IVD: variants seen among roughly 807,000 people sequenced by gnomAD.
The protein encoded by IVD is isovaleryl-CoA dehydrogenase, mitochondrial.
A neutral mutation model predicts 51.3 loss-of-function variants in IVD; 31 were observed. That is an observed-to-expected ratio of 0.60 (90% CI 0.45 to 0.81). IVD has a LOEUF of 0.81. IVD is among the 40% of genes least tolerant of loss of function. The pLI, the probability that IVD is intolerant of heterozygous loss-of-function variation, is 0.00. For missense variants in IVD, 475 were observed against 552.0 expected (o/e 0.86, Z 1.40); for synonymous variants, 205 against 219.4 (o/e 0.93, Z 0.58).
downstream of IVD, among the ~76,000 whole-genome samples, chr15:40,421,676 C>T (rs1001604516): frequency 1.3e-5 from 2 of 152,220 alleles, no homozygotes; most frequent in Non-Finnish European, 2.9e-5. Context: ...CAACCACCAT[C>T]TGAGTCCTAA....
At chr15:40,422,964 C>T (rs1892446071), downstream of IVD, among the ~76,000 whole-genome samples, 1 of 151,648 alleles carries the variant, frequency 6.6e-6, no homozygotes, top group Admixed American at 6.6e-5. Flanking sequence ...CTCTGTCACC[C>T]AGTGCAGTGG....
intron 11 of IVD, 47 bp from the exon 12 acceptor site, chr15:40,418,082 TG>T: frequency 1.2e-6 from 2 of 1,611,872 alleles, no homozygotes; most frequent in Non-Finnish European, 1.7e-6. Context: ...TTGCTTTCTT[TG>T]TTTTGTCAAT....
Position 40,420,493 on chromosome 15 carries a change from A to G in IVD, c.*2230A>G, listed in dbSNP as rs904968458. The G allele has an allele frequency of 1.3e-5, 13 of 987,624 alleles. No homozygotes were observed. The Admixed American group carries it at 5.5e-4, about 42-fold the overall frequency. 61.2% of individuals were successfully genotyped at this position (987,624 alleles called of 1,614,324 possible). A position where few individuals can be genotyped will look rare whatever the true frequency, so the allele number is the denominator to read the frequency against. ...CTACTTGCCGCTGCTTCCTGTCTGG[A>G]TCCAGCTTGTGTCCTTGGAGAGTGG... On this transcript the variant is annotated 3_prime_UTR_variant, in exon 12 of 12. Coordinates refer to ENST00000487418, the MANE Select transcript of IVD (RefSeq NM_002225.5).
rs755693286 is a variant in IVD, at chr15:40,418,213, G to A, written c.1222G>A (p.Glu408Lys). ...KLYEIGAGTS[E>K]VRRLVIGRAF... Reference sequence around the variant, plus strand: ...GTATGAGATAGGGGCTGGGACCAGCGAGGTGAGGCGGCTGGTCATCGGCAG... The same window carrying A: ...GTATGAGATAGGGGCTGGGACCAGCAAGGTGAGGCGGCTGGTCATCGGCAG... Residue 408 changes from glutamate to lysine, a missense_variant, in exon 12 of 12, where the codon GAG becomes AAG. Glu to Lys is a moderately conservative substitution (Grantham distance 56, BLOSUM62 1). Coordinates refer to ENST00000487418, the MANE Select transcript of IVD (RefSeq NM_002225.5). The A allele has an allele frequency of 2.5e-6, 4 of 1,614,216 alleles. No homozygotes were observed. The highest frequency in any genetic ancestry group is 1.3e-5 in the African/African-American group (1 of 75,058).
intron 7 of IVD, 122 bp downstream of exon 7, chr15:40,413,209 A>G: frequency 1.2e-6 from 1 of 806,602 alleles, no homozygotes; most frequent in Non-Finnish European, 2.1e-6. Context: ...CTTCAGTGAC[A>G]TGTGGCTAGG....
chr15:40,429,468 C>A (rs1281153048), downstream of IVD, among the ~76,000 whole-genome samples: 3 of 152,168 alleles, frequency 2.0e-5, no homozygotes, highest in Non-Finnish European at 2.9e-5. Flanking sequence ...TAATGTTACC[C>A]ATTCTTTAAG....
At chr15:40,422,035 C>G (rs997754217), downstream of IVD, among the ~76,000 whole-genome samples, 1 of 152,242 alleles carries the variant, frequency 6.6e-6, no homozygotes, top group East Asian at 1.9e-4. Flanking sequence ...CTCGAGGCAG[C>G]GCGCTTCTTC....
downstream of IVD, among the ~76,000 whole-genome samples, chr15:40,428,496 G>C (rs997682215): frequency 1.3e-5 from 2 of 152,122 alleles, no homozygotes; most frequent in Non-Finnish European, 2.9e-5. Context: ...CCCTCCCTAG[G>C]AGGCTGCTTG....
downstream of IVD, chr15:40,424,189 G>A (rs1409907807): frequency 7.0e-6 from 9 of 1,287,694 alleles, no homozygotes; most frequent in East Asian, 5.6e-5. Flanking sequence ...CAAGCTCCCC[G>A]CAAATTCTTC....
intron 11 of IVD, among the ~76,000 whole-genome samples, chr15:40,417,133 G>A (rs1411006133): frequency 6.6e-6 from 1 of 151,070 alleles, no homozygotes; most frequent in Non-Finnish European, 1.5e-5. Flanking sequence ...GAACCCAGGA[G>A]GCGGAGGTTG....
At chr15:40,411,433 G>A (rs1555404088) in intron 5 of IVD, 80 bp downstream of exon 5, 1 of 1,588,888 alleles carries the variant, frequency 6.3e-7, no homozygotes, top group Non-Finnish European at 8.6e-7. Flanking sequence ...AATTGTGGGT[G>A]GCCCCTGCTG....
chr15:40,430,129 C>T (rs1415446744), intron 7 of IVD, among the ~76,000 whole-genome samples: 2 of 152,210 alleles, frequency 1.3e-5, no homozygotes, highest in African/African-American at 4.8e-5. Flanking sequence ...GCACTGTGGC[C>T]ACCTGGCAGA....
Position 40,407,682 on chromosome 15 carries a change from A to C in IVD, c.191A>C (p.Lys64Thr). ...AKFLQEHLAP[K>T]AQEIDRSNEF... ...TTCCTTCAGGAGCACCTGGCCCCCA[A>C]GGCCCAGGAGATCGATCGCAGCAAT... The change falls in exon 2 of 12, where the codon AAG (lysine) becomes ACG (threonine). Residue 64 changes from lysine to threonine, a missense_variant. Lys to Thr is a moderately conservative substitution (Grantham distance 78). Transcript: ENST00000487418. The C allele has an allele frequency of 6.2e-7, 1 of 1,614,180 alleles. No homozygotes were observed. The highest frequency in any genetic ancestry group is 8.5e-7 in the Non-Finnish European group (1 of 1,180,022).
At chr15:40,406,278 C>T in intron 1 of IVD, 4 of 1,441,820 alleles carry the variant, frequency 2.8e-6, no homozygotes, top group Non-Finnish European at 3.7e-6. Flanking sequence ...GGAGGATTGG[C>T]CAGGCTACCT....
Position 40,420,999 on chromosome 15 carries a change from GAC to G in IVD, c.*2738_*2739del, listed in dbSNP as rs1254746791. ...GTGCTGTTCCTAGCCTGAGGCTTGA[GAC>G]AGGTGGGGTTGGCTCCTCACCAACC... On this transcript the variant is annotated 3_prime_UTR_variant, in exon 12 of 12. Transcript: ENST00000487418. 1 of 985,378 alleles carries G rather than the reference GAC, an allele frequency of 1.0e-6. No homozygotes were observed. The highest frequency in any genetic ancestry group is 1.7e-5 in the African/African-American group (1 of 57,256). The allele number at this position is 985,378 out of a possible 1,614,324, so 61.0% of individuals were successfully genotyped here.
downstream of IVD, chr15:40,424,072 C>G (rs1892526097): frequency 9.4e-7 from 1 of 1,066,004 alleles, no homozygotes; most frequent in South Asian, 1.4e-5. Context: ...CAGAGGCTAG[C>G]CTGGTATCTC....
chr15:40,414,855 GCTCT>G (rs1248593925), intron 7 of IVD, 30 bp from the exon 8 acceptor site: 1 of 1,613,122 alleles, frequency 6.2e-7, no homozygotes, highest in Non-Finnish European at 8.5e-7. Flanking sequence ...GCTGTGGACA[GCTCT>G]CTCCCTCTGA....
At position 40,418,465 on chromosome 15, in the gene IVD, T is replaced by C; in HGVS notation, c.*202T>C. 14 of 1,432,364 alleles carry C rather than the reference T, an allele frequency of 9.8e-6. No homozygotes were observed. Among genetic ancestry groups the C allele is most frequent in the Non-Finnish European group, 1.3e-5 (14 of 1,093,938 alleles). The allele number at this position is 1,432,364 out of a possible 1,614,324, so 88.7% of individuals were successfully genotyped here. A position where few individuals can be genotyped will look rare whatever the true frequency, so the allele number is the denominator to read the frequency against. On this transcript the variant is annotated 3_prime_UTR_variant, in exon 12 of 12. Transcript: ENST00000487418. ...GCAGCCGGGCCTGTGCCACGGCTAG[T>C]GTTGTGTGATTTAAAATGGACTCAG...
In IVD at chr15:40,431,421, C is replaced by T. The variant is rs975025740; in HGVS notation, c.720-2433C>T. Among the ~76,000 whole-genome samples, 4 of 152,158 alleles carry T rather than the reference C, an allele frequency of 2.6e-5. No homozygotes were observed. The South Asian group carries it at 6.2e-4, about 24-fold the overall frequency. ...GGATTAAGAGTATGTGTAGGCCGGG[C>T]GCAGTGGCTCACGCCTGTAATCCCA... On this transcript the variant is annotated intron_variant, in intron 7 of 8. Coordinates refer to the IVD transcript ENST00000473112.
Sources: gnomAD v4.1 joint callset for allele counts (sites outside exome capture counted in the v4.1 genomes callset) on GRCh38, gnomAD v4.1.1 for gene constraint, MANE v1.5 for transcripts, NCBI Gene and HGNC (gene_info 2026-07-23, HGNC 2026-07-21) for gene names.